The following TTLL11 variants were observed in gnomAD, a reference collection of about 807,000 sequenced individuals.
TTLL11 encodes the protein tubulin tyrosine ligase like 11.
TTLL11 carries 42 observed loss-of-function variants against 51.7 expected under a neutral mutation model. That is an observed-to-expected ratio of 0.81 (90% CI 0.64 to 1.05). TTLL11 has a LOEUF of 1.05. Ranked by LOEUF, TTLL11 falls within the 50% of genes least tolerant of loss-of-function variation. The probability of loss-of-function intolerance (pLI) is 0.00; values close to 1 mark genes in which losing one functional copy is unlikely to be tolerated. For missense variants in TTLL11, 799 were observed against 940.4 expected (o/e 0.85, Z 1.97); for synonymous variants, 381 against 383.5 (o/e 0.99, Z 0.08).
rs111260947 is a variant in TTLL11, at chr9:122,039,006, T to A, written c.559+266A>T. Among the ~76,000 whole-genome samples, 1,135 of 152,314 alleles carry A rather than the reference T, an allele frequency of 7.5e-3. 15 individuals carry two copies. The highest frequency in any genetic ancestry group is 0.026 in the African/African-American group (1,086 of 41,568). On this transcript the variant is annotated intron_variant, in intron 2 of 8. Coordinates refer to ENST00000321582, the MANE Select transcript of TTLL11 (RefSeq NM_001139442.2). ...TTTTTTCATTTTCAGAATATATTCC[T>A]CTCATTAGAACCCCATATTATATGC...
At chr9:122,042,161 C>A (rs550295525) in intron 1 of TTLL11, among the ~76,000 whole-genome samples, 3 of 152,310 alleles carry the variant, frequency 2.0e-5, no homozygotes, top group South Asian at 2.1e-4. Context: ...ATTACTGGCA[C>A]ATGCCAGCGC....
At chr9:122,003,483 CTTTT>C (rs398012131) in intron 3 of TTLL11, among the ~76,000 whole-genome samples, 2 of 116,444 alleles carry the variant, frequency 1.7e-5, no homozygotes, top group Non-Finnish European at 3.5e-5. Context: ...GCATACGTTC[CTTTT>C]TTTTTTTTTT....
At chr9:122,066,464 G>A (rs1845585748) in intron 1 of TTLL11, among the ~76,000 whole-genome samples, 1 of 152,100 alleles carries the variant, frequency 6.6e-6, no homozygotes, top group African/African-American at 2.4e-5. Context: ...GAACTAAGGG[G>A]TGGAGACCAC....
At chr9:121,973,120 A>C (rs1842616173) in intron 6 of TTLL11, among the ~76,000 whole-genome samples, 1 of 152,254 alleles carries the variant, frequency 6.6e-6, no homozygotes, top group Admixed American at 6.5e-5. Flanking sequence ...TAAAAACAAA[A>C]CAACATACTC....
At chr9:121,837,870 T>C (rs760648894) in intron 8 of TTLL11, among the ~76,000 whole-genome samples, 4 of 152,222 alleles carry the variant, frequency 2.6e-5, no homozygotes, top group Non-Finnish European at 5.9e-5. Flanking sequence ...CCCCACAGCA[T>C]GTGACCACGT....
At chr9:121,900,913 G>T (rs950623588) in intron 6 of TTLL11, among the ~76,000 whole-genome samples, 3 of 151,984 alleles carry the variant, frequency 2.0e-5, no homozygotes, top group African/African-American at 7.2e-5. Flanking sequence ...GACTCAAGTG[G>T]TCCTCCCGCC....
intron 1 of TTLL11, among the ~76,000 whole-genome samples, chr9:122,078,755 C>T (rs1294224454): frequency 6.6e-6 from 1 of 152,100 alleles, no homozygotes; most frequent in Non-Finnish European, 1.5e-5. Flanking sequence ...AAAAGCTACA[C>T]ATTGAGTTGT....
chr9:122,076,986 C>G (rs1347728981), intron 1 of TTLL11, among the ~76,000 whole-genome samples: 1 of 152,108 alleles, frequency 6.6e-6, no homozygotes, highest in Non-Finnish European at 1.5e-5. Flanking sequence ...ACTGACTTCT[C>G]AACAGCAAAA....
intron 6 of TTLL11, among the ~76,000 whole-genome samples, chr9:121,935,071 C>T (rs974959481): frequency 3.3e-5 from 5 of 152,194 alleles, no homozygotes; most frequent in Admixed American, 1.3e-4. Flanking sequence ...TCTTCTGCCT[C>T]GGCCTCCTGA....
intron 3 of TTLL11, among the ~76,000 whole-genome samples, chr9:122,028,854 T>C (rs558977467): frequency 6.6e-6 from 1 of 152,166 alleles, no homozygotes; most frequent in Admixed American, 6.5e-5. Context: ...AAATTAGAAA[T>C]CATACAAAAA....
chr9:121,958,787 T>A (rs1333998047), intron 6 of TTLL11, among the ~76,000 whole-genome samples: 1 of 152,170 alleles, frequency 6.6e-6, no homozygotes, highest in East Asian at 1.9e-4. Context: ...TTTAGGATAA[T>A]TGGTCTGAAA....
At chr9:121,907,156 C>A (rs1185064643) in intron 6 of TTLL11, among the ~76,000 whole-genome samples, 1 of 152,086 alleles carries the variant, frequency 6.6e-6, no homozygotes, top group Non-Finnish European at 1.5e-5. Flanking sequence ...GGGTCTGTGG[C>A]AATTGAGTAC....
chr9:121,918,627 A>G (rs1312768576), intron 6 of TTLL11, among the ~76,000 whole-genome samples: 1 of 152,210 alleles, frequency 6.6e-6, no homozygotes, highest in Non-Finnish European at 1.5e-5. Flanking sequence ...TTAAAAATGC[A>G]TTCATTCATC....
At chr9:122,040,010 T>G (rs1426515914) in intron 1 of TTLL11, among the ~76,000 whole-genome samples, 1 of 151,414 alleles carries the variant, frequency 6.6e-6, no homozygotes, top group Non-Finnish European at 1.5e-5. Flanking sequence ...AAATCAGGAG[T>G]GGTCATCTGA....
chr9:121,942,413 A>C (rs564624796), intron 6 of TTLL11, among the ~76,000 whole-genome samples: 1 of 152,196 alleles, frequency 6.6e-6, no homozygotes, highest in East Asian at 1.9e-4. Context: ...TTATTTGCTC[A>C]CTTGTGTATT....
chr9:122,009,403 T>A (rs535122866), intron 3 of TTLL11, among the ~76,000 whole-genome samples: 104 of 152,106 alleles, frequency 6.8e-4, no homozygotes, highest in African/African-American at 2.4e-3. Flanking sequence ...ATTTAAAAAA[T>A]TTTTAATATC....
Position 121,973,983 on chromosome 9 carries a change from A to G in TTLL11, c.1481+26T>C, listed in dbSNP as rs1842638401. ...CGGGTTAGGAGGCAGAGTTGATAGA[A>G]ATGAATGACATAAAAAAGTACTTAC... On this transcript the variant is annotated intron_variant, in intron 6 of 8. Transcript: ENST00000321582. The G allele has an allele frequency of 2.6e-6, 4 of 1,531,712 alleles. No individual in the cohort carries two copies. In the South Asian group the frequency reaches 4.8e-5, roughly 18 times the overall value. 94.9% of individuals were successfully genotyped at this position (1,531,712 alleles called of 1,614,324 possible). A position where few individuals can be genotyped will look rare whatever the true frequency, so the allele number is the denominator to read the frequency against.
chr9:121,880,483 G>A (rs1050800797), intron 6 of TTLL11, among the ~76,000 whole-genome samples: 5 of 151,994 alleles, frequency 3.3e-5, no homozygotes, highest in African/African-American at 9.7e-5. Flanking sequence ...TAACCTCCCC[G>A]ACTTAGTATT....
At chr9:122,016,707 T>C (rs1223710785) in intron 3 of TTLL11, among the ~76,000 whole-genome samples, 1 of 152,220 alleles carries the variant, frequency 6.6e-6, no homozygotes, top group African/African-American at 2.4e-5. Flanking sequence ...AAGAATCTCA[T>C]GCTTGCTGCT....
Sources: allele counts gnomAD v4.1 joint callset (sites outside exome capture counted in the v4.1 genomes callset), GRCh38; gene constraint gnomAD v4.1.1; transcripts MANE v1.5; gene names NCBI Gene and HGNC (gene_info 2026-07-23, HGNC 2026-07-21).